EXT1: variants seen among roughly 807,000 people sequenced by gnomAD.
EXT1 encodes exostosin-1.
EXT1 carries 20 observed loss-of-function variants against 82.5 expected under a neutral mutation model. The observed-to-expected ratio is 0.24, with a 90% CI of 0.17 to 0.35. The LOEUF (loss-of-function observed/expected upper bound fraction) is 0.35. Ranked by LOEUF, EXT1 falls within the 10% of genes least tolerant of loss-of-function variation. The pLI, the probability that EXT1 is intolerant of heterozygous loss-of-function variation, is 1.00. For synonymous variants in EXT1, 348 were observed against 350.8 expected, an observed-to-expected ratio of 0.99 and a Z score of 0.09; for missense variants, 757 against 936.5, an observed-to-expected ratio of 0.81 and a Z score of 2.50.
intron 1 of EXT1, among the ~76,000 whole-genome samples, chr8:118,091,476 C>T (rs936856974): frequency 1.3e-5 from 2 of 152,104 alleles, no homozygotes; most frequent in Non-Finnish European, 2.9e-5. Flanking sequence ...CGGTGGCTCA[C>T]GCCTGTAATC....
intron 10 of EXT1, among the ~76,000 whole-genome samples, chr8:117,802,516 T>G (rs577073090): frequency 1.9e-4 from 29 of 152,318 alleles, no homozygotes; most frequent in South Asian, 6.2e-4. Flanking sequence ...GCCTACAGTA[T>G]TCAGTACAGT....
intron 1 of EXT1, among the ~76,000 whole-genome samples, chr8:117,949,537 T>C (rs1814451821): frequency 6.7e-6 from 1 of 149,518 alleles, no homozygotes; most frequent in Non-Finnish European, 1.5e-5. Context: ...TATATATACG[T>C]ATTATATATC....
chr8:117,875,896 A>C (rs1164232733), intron 1 of EXT1, among the ~76,000 whole-genome samples: 15 of 152,186 alleles, frequency 9.9e-5, no homozygotes, highest in Non-Finnish European at 7.3e-5. Flanking sequence ...CCAGTTTCTA[A>C]ATTCAAACCC....
intron 1 of EXT1, among the ~76,000 whole-genome samples, chr8:117,936,727 T>C (rs1321059261): frequency 6.6e-6 from 1 of 151,900 alleles, no homozygotes; most frequent in East Asian, 1.9e-4. Context: ...ATACAAAAAT[T>C]AGCCAGGCGT....
chr8:117,956,318 G>A (rs1814584897), intron 1 of EXT1, among the ~76,000 whole-genome samples: 3 of 152,122 alleles, frequency 2.0e-5, no homozygotes, highest in South Asian at 4.1e-4. Context: ...TTTATAAAAA[G>A]GATGTGAAAC....
intron 10 of EXT1, among the ~76,000 whole-genome samples, chr8:117,800,126 T>C (rs981046933): frequency 6.6e-6 from 1 of 152,214 alleles, no homozygotes; most frequent in Non-Finnish European, 1.5e-5. Flanking sequence ...AAGATTCATG[T>C]TGACTTTAAT....
intron 1 of EXT1, among the ~76,000 whole-genome samples, chr8:117,972,160 AAAG>A (rs1479605734): frequency 2.6e-5 from 4 of 151,710 alleles, no homozygotes; most frequent in Non-Finnish European, 2.9e-5. Flanking sequence ...AAAAAAAAAA[AAAG>A]AAAGAAAGAA....
intron 1 of EXT1, among the ~76,000 whole-genome samples, chr8:117,981,932 T>C (rs552648198): frequency 1.2e-4 from 18 of 152,232 alleles, no homozygotes; most frequent in South Asian, 2.1e-4. Flanking sequence ...AGGGAAAAAG[T>C]ACTTTCTTTC....
In EXT1 at chr8:117,828,473, C is replaced by A. The variant is rs17503363; in HGVS notation, c.1284+1757G>T. Among the ~76,000 whole-genome samples, 1,455 of 151,376 alleles carry A rather than the reference C, an allele frequency of 9.6e-3. 26 individuals carry two copies. Among genetic ancestry groups the A allele is most frequent in the African/African-American group, 0.033 (1,349 of 41,214 alleles). ...CTGAGGTGGGAGGATTGCTTAAGGT[C>A]ATTCCAGCCTGGTGACAGAGTGAGA... is the stretch of plus-strand genomic sequence containing the variant. On this transcript the variant is annotated intron_variant, in intron 4 of 10. Transcript: ENST00000378204.
At chr8:117,934,328 G>T (rs926943991) in intron 1 of EXT1, among the ~76,000 whole-genome samples, 1 of 152,222 alleles carries the variant, frequency 6.6e-6, no homozygotes, top group Non-Finnish European at 1.5e-5. Context: ...CAGAGGGATA[G>T]AATGGCCCAT....
intron 1 of EXT1, among the ~76,000 whole-genome samples, chr8:117,960,164 T>C (rs1586310381): frequency 6.6e-6 from 1 of 152,158 alleles, no homozygotes; most frequent in South Asian, 2.1e-4. Flanking sequence ...TGAGCCAAGA[T>C]TGTGCCACTG....
chr8:117,899,715 A>G (rs1048990913), intron 1 of EXT1, among the ~76,000 whole-genome samples: 5 of 152,248 alleles, frequency 3.3e-5, no homozygotes, highest in Admixed American at 1.3e-4. Flanking sequence ...TGTTTCAAGG[A>G]GTAGCAAGAT....
intron 1 of EXT1, among the ~76,000 whole-genome samples, chr8:118,025,869 C>T (rs562490304): frequency 9.9e-5 from 15 of 152,138 alleles, no homozygotes; most frequent in Non-Finnish European, 1.8e-4. Context: ...AATGAGAACC[C>T]GAATCCTGAA....
intron 8 of EXT1, among the ~76,000 whole-genome samples, chr8:117,809,970 T>G (rs1823295652): frequency 2.0e-5 from 3 of 152,198 alleles, no homozygotes; most frequent in Admixed American, 1.3e-4. Flanking sequence ...ATCGCATGAA[T>G]TTCTTACTAT....
intron 1 of EXT1, among the ~76,000 whole-genome samples, chr8:117,961,711 T>C (rs1814702821): frequency 6.6e-6 from 1 of 152,230 alleles, no homozygotes; most frequent in South Asian, 2.1e-4. Context: ...GAATTGCTCT[T>C]GCACCCTAAC....
At chr8:117,938,473 CAAT>C (rs1311880270) in intron 1 of EXT1, among the ~76,000 whole-genome samples, 1 of 150,184 alleles carries the variant, frequency 6.7e-6, no homozygotes, top group South Asian at 2.1e-4. Flanking sequence ...AAAATAATAA[CAAT>C]AATAATAATA....
intron 1 of EXT1, among the ~76,000 whole-genome samples, chr8:118,086,932 A>T (rs1817431072): frequency 1.3e-5 from 2 of 152,182 alleles, no homozygotes; most frequent in African/African-American, 4.8e-5. Context: ...TTTTGATTCA[A>T]AAGAAAAGGG....
At chr8:117,839,691 C>G (rs1486280963) in intron 1 of EXT1, among the ~76,000 whole-genome samples, 1 of 152,214 alleles carries the variant, frequency 6.6e-6, no homozygotes, top group Non-Finnish European at 1.5e-5. Flanking sequence ...CACAAGTGGG[C>G]AGACAACTAT....
chr8:117,810,780 T>A (rs972473700), intron 8 of EXT1, among the ~76,000 whole-genome samples: 2 of 152,170 alleles, frequency 1.3e-5, no homozygotes, highest in Non-Finnish European at 2.9e-5. Flanking sequence ...TGCCCTCAGA[T>A]AATGGACCCC....
Sources: allele counts gnomAD v4.1 joint callset (sites outside exome capture counted in the v4.1 genomes callset), GRCh38; gene constraint gnomAD v4.1.1; transcripts MANE v1.5; gene names NCBI Gene and HGNC (gene_info 2026-07-23, HGNC 2026-07-21).